Variants in INSR observed in about 807,000 individuals in gnomAD.
INSR encodes the protein insulin receptor.
A neutral mutation model predicts 142.6 loss-of-function variants in INSR; 67 were observed. That is an observed-to-expected ratio of 0.47 (90% confidence interval 0.39 to 0.58). INSR has a LOEUF of 0.58. Among genes scored for constraint, INSR ranks in the 20% least tolerant of loss-of-function variants. The pLI, the probability that INSR is intolerant of heterozygous loss-of-function variation, is 0.00. For missense variants in INSR, 1,248 were observed against 1,833.2 expected (o/e 0.68, Z 5.83); for synonymous variants, 756 against 743.1 (o/e 1.02, Z -0.28).
intron 9 of INSR, 123 bp downstream of exon 9, chr19:7,162,909 T>G: frequency 3.7e-6 from 3 of 804,992 alleles, no homozygotes. Flanking sequence ...ATGGAGTGTG[T>G]GTGTGTGTGC....
chr19:7,167,506 G>A (rs1372691904), intron 7 of INSR, among the ~76,000 whole-genome samples: 2 of 151,346 alleles, frequency 1.3e-5, no homozygotes, highest in Non-Finnish European at 2.9e-5. Context: ...AACCCGGGAG[G>A]CAGAGGTTGC....
At chr19:7,252,235 C>T (rs571100802) in intron 2 of INSR, among the ~76,000 whole-genome samples, 1 of 152,156 alleles carries the variant, frequency 6.6e-6, no homozygotes, top group Non-Finnish European at 1.5e-5. Flanking sequence ...CATGACGAAA[C>T]CCCATCTCTA....
rs139581807 is a variant in INSR, at chr19:7,163,820, G to A, written c.1862-621C>T. Among the ~76,000 whole-genome samples the A allele has an allele frequency of 2.8e-3, 413 of 148,926 alleles. 3 individuals are homozygous for A. In the East Asian group the frequency reaches 0.035, roughly 13 times the overall value. On this transcript the variant is annotated intron_variant, in intron 8 of 21. Coordinates refer to ENST00000302850, the MANE Select transcript of INSR (RefSeq NM_000208.4). ...AGGCCAGGCACAGTGGCTCATGCCT[G>A]TAATCCCAGCACTTTAGAAGGCCGA... is the stretch of plus-strand genomic sequence containing the variant.
chr19:7,292,332 C>T (rs1968513426), intron 1 of INSR, among the ~76,000 whole-genome samples: 1 of 151,810 alleles, frequency 6.6e-6, no homozygotes, highest in Admixed American at 6.6e-5. Flanking sequence ...CCTCGTGATC[C>T]GCCCGCCTCA....
intron 13 of INSR, among the ~76,000 whole-genome samples, chr19:7,135,223 G>C (rs1972883999): frequency 6.7e-6 from 1 of 149,394 alleles, no homozygotes; most frequent in Non-Finnish European, 1.5e-5. Context: ...AGTGGAATGA[G>C]TCACCGAGTA....
rs1195689086 is a variant in INSR at position 7,235,803 on chromosome 19, G to A, written c.652+31542C>T. ...CAGGGCTGCAGTGAACTCCAGCCTGGGCAACAGAGTAAGATCCTATCTCTA... is the reference window on the plus strand; with the variant it reads ...CAGGGCTGCAGTGAACTCCAGCCTGAGCAACAGAGTAAGATCCTATCTCTA... On this transcript the variant is annotated intron_variant, in intron 2 of 21. Coordinates refer to ENST00000302850, the MANE Select transcript of INSR (RefSeq NM_000208.4). 3.3e-5 allele frequency among the ~76,000 whole-genome samples: 5 copies of A among 151,722 alleles called. 1 individual carries two copies. The highest frequency in any genetic ancestry group is 1.3e-4 in the Admixed American group (2 of 15,172).
intron 9 of INSR, among the ~76,000 whole-genome samples, chr19:7,153,458 G>GCCACACA (rs1234222786): frequency 1.1e-5 from 1 of 88,762 alleles, no homozygotes; most frequent in Admixed American, 1.2e-4. Context: ...CCACACCCAC[G>GCCACACA]CCACACACCA....
intron 17 of INSR, among the ~76,000 whole-genome samples, chr19:7,123,687 C>T (rs1972550237): frequency 6.6e-6 from 1 of 152,056 alleles, no homozygotes; most frequent in South Asian, 2.1e-4. Flanking sequence ...CTTTGGGAGG[C>T]TGAGGCCGGT....
In INSR at chr19:7,168,957, G is replaced by A. The variant is rs971843926; in HGVS notation, c.1484-863C>T. ...AACTCCCCATGAAGGTATCCCAGAA[G>A]CCCTTGGCAGCTCACTGTTTAGAAT... is the stretch of plus-strand genomic sequence containing the variant. On this transcript the variant is annotated intron_variant, in intron 6 of 21. Coordinates refer to ENST00000302850, the MANE Select transcript of INSR (RefSeq NM_000208.4). This position sits in a 1 kb window ranked among gnomAD's most constrained non-coding sequence, Gnocchi z 4.3. 2.0e-5 allele frequency among the ~76,000 whole-genome samples: 3 copies of A among 152,188 alleles called. No individual in the cohort carries two copies. The highest frequency in any genetic ancestry group is 6.5e-5 in the Admixed American group (1 of 15,274).
At chr19:7,206,779 A>G (rs11670932) in intron 2 of INSR, among the ~76,000 whole-genome samples, 25,995 of 152,014 alleles carry the variant, frequency 0.17, 2,709 homozygotes, top group Non-Finnish European at 0.22. Flanking sequence ...ACAAAAACAA[A>G]CAAAAAAAGA....
Position 7,120,651 on chromosome 19 carries a change from C to T in INSR, c.3628G>A (p.Asp1210Asn). The change falls in exon 20 of 22, where the codon GAT becomes AAT. Residue 1210 changes from aspartate (D) to asparagine (N), a missense_variant. Physicochemically the swap from Asp to Asn is conservative, Grantham distance 23. This residue lies in a region of INSR where 1,069 missense variants were observed against 1,654.0 expected (regional missense o/e 0.65). Transcript: ENST00000302850. ...VRWMAPESLK[D>N]GVFTTSSDMW... ...TCAGAAGAAGTGGTGAAGACCCCAT[C>T]CTTCAGGGACTCCGGTGCCATCCAC... 6.2e-7 allele frequency: 1 copy of T among 1,614,198 alleles called. No individual in the cohort carries two copies. Among genetic ancestry groups the T allele is most frequent in the Non-Finnish European group, 8.5e-7 (1 of 1,180,014 alleles).
rs13306461 is a variant in INSR at position 7,184,293 on chromosome 19, C to G, written c.974+23G>C. ...CGTTCCTTCTCCTCTCGGCTGCCCC[C>G]CAGACCCACATCCAGAACTCACTTG... On this transcript the variant is annotated intron_variant, in intron 3 of 21. Transcript: ENST00000302850. 6.2e-6 allele frequency: 10 copies of G among 1,609,678 alleles called. No homozygotes were observed. The East Asian group carries it at 2.2e-4, about 36-fold the overall frequency.
rs1967782347 is a variant in INSR, at chr19:7,267,720, C to T, written c.277G>A (p.Val93Ile). The change falls in exon 2 of 22, where the codon GTC (valine) becomes ATC (isoleucine). Residue 93 changes from valine (V) to isoleucine (I), a missense_variant. Around this residue, in one of 3 missense-constraint regions of INSR, gnomAD observed 1,069 missense variants for 1,654.0 expected, o/e 0.65. Transcript: ENST00000302850. The surrounding 1 kb of genome is among the most constrained non-coding windows in gnomAD (Gnocchi z 6.3). Reference sequence around the variant, plus strand: ...TCCTTCAGGCTCTCGAGCCCATAGACCCGGAAGAGCAGCAAGTAATCAGTG... The same window carrying T: ...TCCTTCAGGCTCTCGAGCCCATAGATCCGGAAGAGCAGCAAGTAATCAGTG... ...MITDYLLLFRVYGLESLKDLF... is the reference protein window; with the variant it reads ...MITDYLLLFRIYGLESLKDLF... The T allele has an allele frequency of 1.9e-6, 3 of 1,613,960 alleles. No individual in the cohort carries two copies. The highest frequency in any genetic ancestry group is 2.7e-5 in the African/African-American group (2 of 74,874).
chr19:7,218,614 C>T (rs1975508923), intron 2 of INSR, among the ~76,000 whole-genome samples: 1 of 152,078 alleles, frequency 6.6e-6, no homozygotes, highest in Non-Finnish European at 1.5e-5. Flanking sequence ...GATCTCGGCT[C>T]ACTGCAACCT....
intron 2 of INSR, among the ~76,000 whole-genome samples, chr19:7,256,836 A>AT (rs71177188): frequency 6.8e-5 from 10 of 148,114 alleles, no homozygotes; most frequent in African/African-American, 1.5e-4. Flanking sequence ...TCTCTCCTAG[A>AT]TTTTTTTTTT....
chr19:7,269,780 C>T (rs1387714622), intron 1 of INSR, among the ~76,000 whole-genome samples: 1 of 152,180 alleles, frequency 6.6e-6, no homozygotes, highest in Non-Finnish European at 1.5e-5. Flanking sequence ...CAAGGACACA[C>T]AACTCACCAG....
chr19:7,195,018 C>T (rs1301525257), intron 2 of INSR, among the ~76,000 whole-genome samples: 1 of 152,024 alleles, frequency 6.6e-6, no homozygotes, highest in Non-Finnish European at 1.5e-5. Context: ...TCCTCAGCCC[C>T]CAGCAGCATC....
Position 7,174,744 on chromosome 19 carries a change from C to CAG in INSR, c.975-15_975-14dup, listed in dbSNP as rs746671713. On this transcript the variant is annotated splice_polypyrimidine_tract_variant and intron_variant, in intron 3 of 21. Transcript: ENST00000302850. ...GGTGCACAGCAAGCTAAGGACGGAG[C>CAG]AGAGAGAGAGAGAAAGAGAAAGGGG... The CAG allele has an allele frequency of 1.6e-5, 26 of 1,606,702 alleles. No homozygotes were observed. The highest frequency in any genetic ancestry group is 1.7e-4 in the Middle Eastern group (1 of 6,032).
intron 3 of INSR, 58 bp downstream of exon 3, chr19:7,184,258 A>G: frequency 6.6e-7 from 1 of 1,505,152 alleles, no homozygotes; most frequent in Non-Finnish European, 9.2e-7. Context: ...CATCGTCACA[A>G]CCAACCCCAC....
Sources: gnomAD v4.1 joint callset for allele counts (sites outside exome capture counted in the v4.1 genomes callset) on GRCh38, gnomAD v4.1.1 for gene constraint, gnomAD v4.1.1 regional missense constraint, Gnocchi (gnomAD v3.1) non-coding constraint, MANE v1.5 for transcripts, NCBI Gene and HGNC (gene_info 2026-07-23, HGNC 2026-07-21) for gene names.